Variants in MKNK2 observed in about 807,000 individuals in gnomAD.
MKNK2 encodes MAPK interacting serine/threonine kinase 2.
A neutral mutation model predicts 55.0 loss-of-function variants in MKNK2; 54 were observed. The ratio of observed to expected loss-of-function variants is 0.98; its 90% confidence interval spans 0.79 to 1.23. The LOEUF is 1.23. Ranked by LOEUF, MKNK2 falls within the 50% of genes most tolerant of loss-of-function variation. MKNK2 has a pLI of 0.00. For missense variants in MKNK2, 685 were observed against 632.1 expected, an observed-to-expected ratio of 1.08 and a Z score of -0.90; for synonymous variants, 323 against 256.0, an observed-to-expected ratio of 1.26 and a Z score of -2.50.
rs776449967 is a variant in MKNK2 at position 2,043,098 on chromosome 19, C to T, written c.493+26G>A. The T allele has an allele frequency of 8.8e-6, 14 of 1,594,954 alleles. No homozygotes were observed. In the South Asian group the frequency reaches 1.1e-4, roughly 13 times the overall value. On this transcript the variant is annotated intron_variant, in intron 7 of 13. Coordinates refer to ENST00000250896, the MANE Select transcript of MKNK2 (RefSeq NM_199054.3). ...CGTAATACCTCCCAGCTCCCTCCCTCCTCACAGCCTGGAGCCCCCAGGTAC... is the reference window on the plus strand; with the variant it reads ...CGTAATACCTCCCAGCTCCCTCCCTTCTCACAGCCTGGAGCCCCCAGGTAC...
chr19:2,043,472 G>C (rs1328840272), intron 6 of MKNK2, 31 bp downstream of exon 6: 1 of 1,595,668 alleles, frequency 6.3e-7, no homozygotes, highest in South Asian at 1.1e-5. Context: ...GACAGCTCAG[G>C]CCAGTGCGGT....
chr19:2,050,115 TC>T (rs1260994965), intron 2 of MKNK2, among the ~76,000 whole-genome samples: 1 of 151,812 alleles, frequency 6.6e-6, no homozygotes, highest in Non-Finnish European at 1.5e-5. Flanking sequence ...GCACCTGCCC[TC>T]CCCTTCCCCC....
At chr19:2,046,531 C>G (rs747290892) in intron 3 of MKNK2, 63 bp from the exon 4 acceptor site, 1 of 1,561,194 alleles carries the variant, frequency 6.4e-7, no homozygotes, top group Non-Finnish European at 8.7e-7. Flanking sequence ...CCCCCACCCC[C>G]CTGCAGGGGC....
chr19:2,048,481 C>T (rs1435760386), intron 2 of MKNK2, among the ~76,000 whole-genome samples: 1 of 152,136 alleles, frequency 6.6e-6, no homozygotes, highest in African/African-American at 2.4e-5. Context: ...CAGCTTCACC[C>T]GTCTGGGTGA....
At position 2,039,647 on chromosome 19, in the gene MKNK2, G is replaced by A. The variant is rs202018089; in HGVS notation, c.1364C>T (p.Ser455Leu). Residue 455 changes from serine (S) to leucine (L), a missense_variant, in exon 14 of 14, where the codon TCG becomes TTG. Physicochemically the swap from Ser to Leu is moderately radical, Grantham distance 145. Transcript: ENST00000250896. ...AQRRQRASLS[S>L]APVVLVGDHA ...GTCTCCCACCAGGACCACTGGGGCC[G>A]AGGACAGACTGGCCCTTTGCCGCCG... 51 of 1,613,008 alleles carry A rather than the reference G, an allele frequency of 3.2e-5. No individual in the cohort carries two copies. In the East Asian group the frequency reaches 8.5e-4, roughly 27 times the overall value.
chr19:2,038,859 G>A lies in MKNK2; in HGVS notation c.*754C>T. The A allele has an allele frequency of 1.0e-6, 1 of 985,874 alleles. No individual in the cohort carries two copies. Among genetic ancestry groups the A allele is most frequent in the Non-Finnish European group, 1.2e-6 (1 of 830,014 alleles). The allele number at this position is 985,874 out of a possible 1,614,324, so 61.1% of individuals were successfully genotyped here. A position where few individuals can be genotyped will look rare whatever the true frequency, so the allele number is the denominator to read the frequency against. On this transcript the variant is annotated 3_prime_UTR_variant, in exon 14 of 14. Transcript: ENST00000250896. ...CTCAGGCCTTGGTGTGGAGGGGAGG[G>A]GCAGCGGCGAGCCCCTGGGGTCAGC...
intron 5 of MKNK2, among the ~76,000 whole-genome samples, chr19:2,045,294 C>T (rs935296695): frequency 5.3e-5 from 8 of 152,142 alleles, no homozygotes; most frequent in African/African-American, 1.7e-4. Context: ...CCCTATCTGT[C>T]AAACAAAGAC....
rs1379559188 is a variant in MKNK2 at position 2,042,529 on chromosome 19, G to C, written c.655-7C>G. The stretch of plus-strand genomic sequence containing the variant: ...AGATCTTCACGGGGGAGACCTGGGA[G>C]GGGCCAAAAGGTCCGTGAGCCTGGG... On this transcript the variant is annotated splice_region_variant and splice_polypyrimidine_tract_variant and intron_variant, in intron 9 of 13. Transcript: ENST00000250896. 1 of 1,590,152 alleles carries C rather than the reference G, an allele frequency of 6.3e-7. No individual in the cohort carries two copies. Among genetic ancestry groups the C allele is most frequent in the Admixed American group, 1.8e-5 (1 of 54,560 alleles).
intron 5 of MKNK2, among the ~76,000 whole-genome samples, chr19:2,043,931 G>A (rs886935360): frequency 6.1e-5 from 8 of 130,188 alleles, no homozygotes; most frequent in East Asian, 4.8e-4. Flanking sequence ...CTGAGATCGC[G>A]CCATTGCACT....
At position 2,038,978 on chromosome 19, in the gene MKNK2, C is replaced by CA. The variant is rs1258939305; in HGVS notation, c.*634dup. ...GCAGGAAGCCCCGATTGTCAACTAT[C>CA]ATGGGGACAAGGCAGGCGCGGGTGA... is the stretch of plus-strand genomic sequence containing the variant. On this transcript the variant is annotated 3_prime_UTR_variant, in exon 14 of 14. Transcript: ENST00000250896. The CA allele has an allele frequency of 2.1e-5, 21 of 985,784 alleles. No homozygotes were observed. Among genetic ancestry groups the CA allele is most frequent in the Non-Finnish European group, 2.5e-5 (21 of 830,088 alleles). The allele number at this position is 985,784 out of a possible 1,614,324, so 61.1% of individuals were successfully genotyped here. A position where few individuals can be genotyped will look rare whatever the true frequency, so the allele number is the denominator to read the frequency against.
intron 5 of MKNK2, among the ~76,000 whole-genome samples, chr19:2,044,113 G>A (rs2016951297): frequency 6.6e-6 from 1 of 151,868 alleles, no homozygotes; most frequent in African/African-American, 2.4e-5. Flanking sequence ...TCCCTGCCCT[G>A]GGCGGCCACC....
chr19:2,043,040 C>A, intron 7 of MKNK2, 84 bp downstream of exon 7: 1 of 1,333,606 alleles, frequency 7.5e-7, no homozygotes, highest in Non-Finnish European at 1.1e-6. Flanking sequence ...ACCCCACAAG[C>A]CCCCTCCTGC....
chr19:2,043,282 C>A, intron 6 of MKNK2, 85 bp from the exon 7 acceptor site: 2 of 1,191,964 alleles, frequency 1.7e-6, no homozygotes, highest in South Asian at 2.5e-5. Context: ...GGGGCCCACC[C>A]TCTTGGTGCT....
intron 6 of MKNK2, 32 bp downstream of exon 6, chr19:2,043,471 G>A (rs762447149): frequency 6.3e-7 from 1 of 1,594,694 alleles, no homozygotes; most frequent in Non-Finnish European, 8.6e-7. Flanking sequence ...AGACAGCTCA[G>A]GCCAGTGCGG....
In MKNK2 at chr19:2,041,210, G is replaced by C; in HGVS notation, c.946-6C>G. The stretch of plus-strand genomic sequence containing the variant: ...ATGCTCTCAAACAGCATGTTCTGGG[G>C]ACATAGAACACAGGGGAGCTTAGAC... On this transcript the variant is annotated splice_region_variant and splice_polypyrimidine_tract_variant and intron_variant, in intron 11 of 13. Coordinates refer to ENST00000250896, the MANE Select transcript of MKNK2 (RefSeq NM_199054.3). 6.2e-7 allele frequency: 1 copy of C among 1,610,162 alleles called. No homozygotes were observed. Among genetic ancestry groups the C allele is most frequent in the Non-Finnish European group, 8.5e-7 (1 of 1,177,510 alleles).
At chr19:2,050,741 C>G in intron 2 of MKNK2, 60 bp downstream of exon 2, 1 of 1,481,818 alleles carries the variant, frequency 6.7e-7, no homozygotes, top group Non-Finnish European at 9.1e-7. Flanking sequence ...CCCGCGCCCC[C>G]CACGCCGGCC....
intron 2 of MKNK2, among the ~76,000 whole-genome samples, chr19:2,050,073 C>T (rs1031434914): frequency 3.9e-5 from 6 of 152,160 alleles, no homozygotes; most frequent in Admixed American, 3.3e-4. Flanking sequence ...TCACTGCGTC[C>T]CCTGGGCCAG....
chr19:2,040,118 C>A lies in MKNK2; in HGVS notation c.1154+16G>T, dbSNP rs754395084. ...CCCCTGGACTCAGGGGTCCCGAGCA[C>A]CCCTGCGGGCCTTACCTCTGCAGGA... On this transcript the variant is annotated intron_variant, in intron 13 of 13. Transcript: ENST00000250896. 3 of 1,585,456 alleles carry A rather than the reference C, an allele frequency of 1.9e-6. No homozygotes were observed. In the South Asian group the frequency reaches 3.5e-5, roughly 18 times the overall value.
At chr19:2,049,685 TG>T (rs935554910) in intron 2 of MKNK2, among the ~76,000 whole-genome samples, 1 of 152,188 alleles carries the variant, frequency 6.6e-6, no homozygotes, top group African/African-American at 2.4e-5. Context: ...AGCTCATGCC[TG>T]GCCCTAGGAG....
Sources: gnomAD v4.1 joint callset for allele counts (sites outside exome capture counted in the v4.1 genomes callset) on GRCh38, gnomAD v4.1.1 for gene constraint, MANE v1.5 for transcripts, NCBI Gene and HGNC (gene_info 2026-07-23, HGNC 2026-07-21) for gene names.